The following DTNA variants were observed in gnomAD, a reference collection of about 807,000 sequenced individuals.
The protein encoded by DTNA is dystrobrevin alpha.
Under a neutral mutation model 100.7 loss-of-function variants are expected in DTNA, and 43 were observed. The ratio of observed to expected loss-of-function variants is 0.43; its 90% confidence interval spans 0.33 to 0.55. The LOEUF is 0.55. DTNA is among the 20% of genes least tolerant of loss of function. DTNA has a pLI of 0.04. For synonymous variants in DTNA, 349 were observed against 347.9 expected (o/e 1.00, Z -0.04); for missense variants, 798 against 953.9 (o/e 0.84, Z 2.15).
intron 1 of DTNA, among the ~76,000 whole-genome samples, chr18:34,553,591 TCC>T (rs2045694535): frequency 1.3e-5 from 2 of 152,200 alleles, no homozygotes; most frequent in East Asian, 3.8e-4. Flanking sequence ...TTCAGCTTTC[TCC>T]ATATGGCTAG....
At chr18:34,771,224 G>A (rs915862088) in intron 3 of DTNA, among the ~76,000 whole-genome samples, 1 of 152,176 alleles carries the variant, frequency 6.6e-6, no homozygotes, top group African/African-American at 2.4e-5. Context: ...GTAAGTCCAG[G>A]CGTGGTGGCT....
chr18:34,790,300 T>C (rs897953743), intron 3 of DTNA, among the ~76,000 whole-genome samples: 4 of 151,974 alleles, frequency 2.6e-5, no homozygotes, highest in African/African-American at 9.7e-5. Context: ...GCCCACTACA[T>C]GCTGTGATGG....
intron 1 of DTNA, among the ~76,000 whole-genome samples, chr18:34,554,417 A>T (rs1414825794): frequency 2.7e-5 from 4 of 149,424 alleles, no homozygotes; most frequent in Non-Finnish European, 4.5e-5. Context: ...CTATGTTGAA[A>T]AGGAGTGGTG....
intron 2 of DTNA, among the ~76,000 whole-genome samples, chr18:34,756,589 T>A (rs543139382): frequency 1.1e-4 from 16 of 152,300 alleles, no homozygotes; most frequent in South Asian, 4.1e-4. Context: ...CTGGTTTTTT[T>A]AAAAATACTA....
At chr18:34,511,630 A>G (rs528450146) in intron 1 of DTNA, among the ~76,000 whole-genome samples, 44 of 152,138 alleles carry the variant, frequency 2.9e-4, no homozygotes, top group Non-Finnish European at 5.6e-4. Flanking sequence ...TGTAACTAGA[A>G]TGAATAGCCC....
intron 1 of DTNA, among the ~76,000 whole-genome samples, chr18:34,511,788 T>C (rs892691926): frequency 2.0e-5 from 3 of 151,988 alleles, no homozygotes; most frequent in Admixed American, 2.0e-4. Flanking sequence ...TTTATAGAAA[T>C]AGCTAGTGTA....
intron 1 of DTNA, among the ~76,000 whole-genome samples, chr18:34,621,013 A>G (rs2056393344): frequency 6.6e-6 from 1 of 152,040 alleles, no homozygotes; most frequent in Admixed American, 6.6e-5. Context: ...GCAAATTTCA[A>G]GTGCTATTTT....
intron 1 of DTNA, among the ~76,000 whole-genome samples, chr18:34,644,240 G>A (rs1478563993): frequency 6.6e-6 from 1 of 152,070 alleles, no homozygotes. Flanking sequence ...AGAAATAAAG[G>A]AGATAGCCAA....
At chr18:34,577,275 G>A (rs1325797814) in intron 1 of DTNA, among the ~76,000 whole-genome samples, 2 of 151,998 alleles carry the variant, frequency 1.3e-5, no homozygotes, top group East Asian at 1.9e-4. Flanking sequence ...CATATCTAAT[G>A]TGTCTTACAT....
intron 3 of DTNA, among the ~76,000 whole-genome samples, chr18:34,785,472 A>G (rs1601974652): frequency 1.3e-5 from 2 of 152,316 alleles, no homozygotes; most frequent in South Asian, 4.1e-4. Flanking sequence ...CTCAAAAATA[A>G]GAATAATGCC....
chr18:34,768,096 G>A (rs1381235158), intron 3 of DTNA, among the ~76,000 whole-genome samples: 5 of 152,030 alleles, frequency 3.3e-5, no homozygotes, highest in East Asian at 1.9e-4. Context: ...AAGAATCTCC[G>A]TGTTTTCAGC....
chr18:34,551,747 G>C (rs1032111607), intron 1 of DTNA, among the ~76,000 whole-genome samples: 7 of 152,136 alleles, frequency 4.6e-5, no homozygotes, highest in Non-Finnish European at 8.8e-5. Flanking sequence ...TGAAAGTCCT[G>C]AATGCCATTT....
At position 34,765,984 on chromosome 18, in the gene DTNA, C is replaced by A. The variant is rs1320555032; in HGVS notation, c.91C>A (p.Arg31=). ...AGGGGCTCAAGATCTGGATCGCATC[C>A]GACTCTCCACCTACAGAACAGCATG... ...EMRAQDLDRI[R]LSTYRTACKL... The change falls in exon 3 of 23, where the codon CGA becomes AGA. Residue 31 remains arginine, a synonymous_variant. Coordinates refer to ENST00000444659, the MANE Select transcript of DTNA (RefSeq NM_001386795.1). 6.2e-7 allele frequency: 1 copy of A among 1,613,770 alleles called. No individual in the cohort carries two copies. The highest frequency in any genetic ancestry group is 2.2e-5 in the East Asian group (1 of 44,864).
intron 5 of DTNA, among the ~76,000 whole-genome samples, chr18:34,809,879 G>A (rs576587223): frequency 3.3e-5 from 5 of 152,262 alleles, no homozygotes; most frequent in African/African-American, 1.2e-4. Flanking sequence ...CAGTGGTAGG[G>A]TGTTCCCTGT....
chr18:34,838,671 C>A, intron 12 of DTNA, 74 bp from the exon 13 acceptor site: 2 of 1,325,620 alleles, frequency 1.5e-6, no homozygotes, highest in Non-Finnish European at 2.2e-6. Flanking sequence ...ACCAAAAACT[C>A]ACTCCTACCT....
intron 1 of DTNA, among the ~76,000 whole-genome samples, chr18:34,507,799 T>C (rs2040635253): frequency 6.6e-6 from 1 of 152,192 alleles, no homozygotes; most frequent in Non-Finnish European, 1.5e-5. Flanking sequence ...CAATCTGTCT[T>C]ATAGCCAGCT....
At chr18:34,553,971 T>G (rs1158988114) in intron 1 of DTNA, among the ~76,000 whole-genome samples, 2 of 149,256 alleles carry the variant, frequency 1.3e-5, no homozygotes, top group Admixed American at 1.3e-4. Flanking sequence ...CCTTGGGCAG[T>G]ATGGCCATTT....
chr18:34,676,212 C>A (rs1394153247), intron 1 of DTNA, among the ~76,000 whole-genome samples: 1 of 152,114 alleles, frequency 6.6e-6, no homozygotes, highest in Non-Finnish European at 1.5e-5. Flanking sequence ...AGGTCACTAC[C>A]TTTTTAGGTG....
chr18:34,579,200 T>C (rs1337011442), intron 1 of DTNA, among the ~76,000 whole-genome samples: 1 of 152,170 alleles, frequency 6.6e-6, no homozygotes, highest in African/African-American at 2.4e-5. Context: ...TTTGCTTTCT[T>C]CTGGTCATGT....
Sources: allele counts gnomAD v4.1 joint callset (sites outside exome capture counted in the v4.1 genomes callset), GRCh38; gene constraint gnomAD v4.1.1; transcripts MANE v1.5; gene names NCBI Gene and HGNC (gene_info 2026-07-23, HGNC 2026-07-21).